NR2C1: variants seen among roughly 807,000 people sequenced by gnomAD.
NR2C1 encodes the protein TR2 nuclear hormone receptor.
In NR2C1, 33 loss-of-function variants were observed where a neutral mutation model predicts 74.8. The ratio of observed to expected loss-of-function variants is 0.44; its 90% confidence interval spans 0.33 to 0.59. The LOEUF (loss-of-function observed/expected upper bound fraction) is 0.59, where lower values mean the gene tolerates loss of function less well. NR2C1 is among the 20% of genes least tolerant of loss of function. NR2C1 has a pLI of 0.02. For missense variants in NR2C1, 568 were observed against 715.6 expected (o/e 0.79, Z 2.35); for synonymous variants, 225 against 240.6 (o/e 0.94, Z 0.60).
intron 9 of NR2C1, among the ~76,000 whole-genome samples, chr12:95,044,310 C>G (rs1872008132): frequency 6.6e-6 from 1 of 151,832 alleles, no homozygotes; most frequent in African/African-American, 2.4e-5. Flanking sequence ...CTCTGTCGCC[C>G]AGGCTGCAGT....
chr12:95,044,749 G>C (rs975849118), intron 9 of NR2C1, among the ~76,000 whole-genome samples: 1 of 152,122 alleles, frequency 6.6e-6, no homozygotes, highest in African/African-American at 2.4e-5. Context: ...GGGAGTGGTG[G>C]TGCATGCCTG....
chr12:95,031,520 G>A, intron 10 of NR2C1, 32 bp from the exon 11 acceptor site: 2 of 1,518,052 alleles, frequency 1.3e-6, no homozygotes, highest in Non-Finnish European at 8.8e-7. Context: ...GCACAAATCA[G>A]ATATTATTAA....
intron 2 of NR2C1, chr12:95,062,999 A>C: frequency 2.0e-6 from 1 of 490,228 alleles, no homozygotes; most frequent in Non-Finnish European, 3.7e-6. Flanking sequence ...AGACAAACAT[A>C]TATTGGGTGA....
At chr12:95,038,758 C>T (rs1592741080) in intron 10 of NR2C1, among the ~76,000 whole-genome samples, 1 of 152,116 alleles carries the variant, frequency 6.6e-6, no homozygotes, top group Admixed American at 6.6e-5. Flanking sequence ...AAATTTTGGT[C>T]GATAATAGAC....
intron 11 of NR2C1, chr12:95,030,937 GAATACACTCT>G: frequency 8.2e-7 from 1 of 1,224,870 alleles, no homozygotes; most frequent in South Asian, 1.3e-5. Context: ...TTAGGTGAGA[GAATACACTCT>G]GATGAATTGA....
chr12:95,030,561 A>G, intron 11 of NR2C1: 1 of 1,612,988 alleles, frequency 6.2e-7, no homozygotes, highest in East Asian at 2.2e-5. Flanking sequence ...TCCATAAGTA[A>G]GATGGGAATG....
rs189384831 is a variant in NR2C1, at chr12:95,054,871, T to C, written c.783+2682A>G. ...CAGCAGATAAACAAGTGAACAAAGG[T>C]CTCTAGTTTTCCTAGGCAGAGGACC... On this transcript the variant is annotated intron_variant, in intron 7 of 13. Transcript: ENST00000333003. Among the ~76,000 whole-genome samples the C allele has an allele frequency of 5.3e-3, 812 of 152,124 alleles. 5 individuals carry two copies. Among genetic ancestry groups the C allele is most frequent in the African/African-American group, 0.018 (734 of 41,484 alleles).
At chr12:95,029,309 G>C (rs1365038278) in intron 11 of NR2C1, among the ~76,000 whole-genome samples, 2 of 151,912 alleles carry the variant, frequency 1.3e-5, no homozygotes, top group Non-Finnish European at 1.5e-5. Context: ...TTGAACCCCT[G>C]ACCTCAAGTG....
intron 1 of NR2C1, among the ~76,000 whole-genome samples, chr12:95,069,006 A>G (rs1876171462): frequency 6.6e-6 from 1 of 152,076 alleles, no homozygotes; most frequent in African/African-American, 2.4e-5. Context: ...TTAAAAGGAC[A>G]CATAAGAAAG....
In NR2C1 at chr12:95,022,405, TA is replaced by T; in HGVS notation, c.1638-3del. 1.3e-6 allele frequency: 2 copies of T among 1,594,404 alleles called. No individual in the cohort carries two copies. Among genetic ancestry groups the T allele is most frequent in the Non-Finnish European group, 8.5e-7 (1 of 1,175,296 alleles). On this transcript the variant is annotated splice_polypyrimidine_tract_variant and splice_region_variant and intron_variant, in intron 13 of 13. Transcript: ENST00000333003. ...AATCTGAGTAGTAGTCTGGATAACCTAAAAAAAGAAAGAAAAAAGGGAGAGG... is the reference window on the plus strand; with the variant it reads ...AATCTGAGTAGTAGTCTGGATAACCTAAAAAAGAAAGAAAAAAGGGAGAGG...
intron 7 of NR2C1, among the ~76,000 whole-genome samples, chr12:95,054,375 A>G (rs1314800860): frequency 1.3e-5 from 2 of 151,696 alleles, no homozygotes; most frequent in South Asian, 4.2e-4. Context: ...TGCCAGGATC[A>G]TAGCTCACTG....
At chr12:95,030,404 C>G (rs1454221279) in intron 11 of NR2C1, 1 of 1,237,040 alleles carries the variant, frequency 8.1e-7, no homozygotes, top group African/African-American at 1.6e-5. Context: ...AAAACTGAAG[C>G]AGAATAAAGT....
chr12:95,041,419 T>C (rs868273062), intron 9 of NR2C1, among the ~76,000 whole-genome samples: 1 of 151,872 alleles, frequency 6.6e-6, no homozygotes, highest in Non-Finnish European at 1.5e-5. Context: ...GAAGTGGAGG[T>C]TGCAGTGAGC....
rs768423323 is a variant in NR2C1 at position 95,062,692 on chromosome 12, G to A, written c.101C>T (p.Ala34Val). The A allele has an allele frequency of 1.2e-6, 2 of 1,614,086 alleles. No homozygotes were observed. The highest frequency in any genetic ancestry group is 2.2e-5 in the South Asian group (2 of 91,080). Residue 34 changes from alanine (A) to valine (V), a missense_variant, in exon 3 of 14, where the codon GCA becomes GTA. Transcript: ENST00000333003. ...QTGQKIQIVT[A>V]LDHNTQGKQF... ...CTTGCCTTGGGTATTATGATCAAGT[G>A]CTGTCACAATCTGGATTTTCTGCCC...
intron 7 of NR2C1, among the ~76,000 whole-genome samples, chr12:95,055,386 G>A (rs1873684273): frequency 6.6e-6 from 1 of 152,220 alleles, no homozygotes; most frequent in Non-Finnish European, 1.5e-5. Flanking sequence ...ACAGGGCTAA[G>A]TGAAGTTTTC....
At chr12:95,047,386 A>T (rs906821780) in intron 9 of NR2C1, among the ~76,000 whole-genome samples, 1 of 151,994 alleles carries the variant, frequency 6.6e-6, no homozygotes, top group South Asian at 2.1e-4. Flanking sequence ...AAAATTTCTA[A>T]TTTTTTCCAT....
chr12:95,032,499 A>C (rs1870268466), intron 10 of NR2C1, among the ~76,000 whole-genome samples: 1 of 151,886 alleles, frequency 6.6e-6, no homozygotes, highest in African/African-American at 2.4e-5. Flanking sequence ...ATCTCTACAA[A>C]AAATGAAAAC....
At chr12:95,026,221 A>G (rs1869345284) in intron 12 of NR2C1, among the ~76,000 whole-genome samples, 1 of 151,796 alleles carries the variant, frequency 6.6e-6, no homozygotes. Flanking sequence ...AAAAAAAAAA[A>G]GGCATTTTAA....
intron 10 of NR2C1, among the ~76,000 whole-genome samples, chr12:95,032,840 C>T (rs1161780730): frequency 6.6e-6 from 1 of 152,076 alleles, no homozygotes; most frequent in African/African-American, 2.4e-5. Context: ...TGGAGGTGCA[C>T]ACCTATAGTC....
Sources: gnomAD v4.1 joint callset for allele counts (sites outside exome capture counted in the v4.1 genomes callset) on GRCh38, gnomAD v4.1.1 for gene constraint, MANE v1.5 for transcripts, NCBI Gene and HGNC (gene_info 2026-07-23, HGNC 2026-07-21) for gene names.